DLGAP2: variants seen among roughly 807,000 people sequenced by gnomAD.
DLGAP2 encodes disks large-associated protein 2.
DLGAP2 carries 26 observed loss-of-function variants against 100.3 expected under a neutral mutation model. That is an observed-to-expected ratio of 0.26 (90% CI 0.19 to 0.36). The LOEUF (loss-of-function observed/expected upper bound fraction) is 0.36, where lower values mean the gene tolerates loss of function less well. DLGAP2 is among the 10% of genes least tolerant of loss of function. DLGAP2 has a pLI of 1.00. For missense variants in DLGAP2, 1,858 were observed against 1,453.2 expected (o/e 1.28, Z -4.53); for synonymous variants, 886 against 630.1 (o/e 1.41, Z -6.08).
chr8:1,689,185 C>G (rs937763596), intron 12 of DLGAP2, among the ~76,000 whole-genome samples: 2 of 152,206 alleles, frequency 1.3e-5, no homozygotes, highest in Non-Finnish European at 2.9e-5. Context: ...GTCTAGGCTT[C>G]CACAGTCAGG....
At chr8:801,328 T>A (rs997265195) in intron 1 of DLGAP2, among the ~76,000 whole-genome samples, 2 of 152,202 alleles carry the variant, frequency 1.3e-5, no homozygotes, top group Admixed American at 1.3e-4. Flanking sequence ...CAGTGGACCT[T>A]AGGGCCTTGG....
At chr8:1,361,690 G>T (rs1188897157) in intron 3 of DLGAP2, among the ~76,000 whole-genome samples, 1 of 152,228 alleles carries the variant, frequency 6.6e-6, no homozygotes, top group African/African-American at 2.4e-5. Context: ...TTGATGTCAA[G>T]CACCTTCGCG....
At chr8:1,697,688 C>T (rs117312222) in intron 14 of DLGAP2, among the ~76,000 whole-genome samples, 5,282 of 152,340 alleles carry the variant, frequency 0.035, 121 homozygotes, top group Non-Finnish European at 0.054. Flanking sequence ...TGGCTTCCCA[C>T]AGGGAAAGTT....
intron 1 of DLGAP2, among the ~76,000 whole-genome samples, chr8:870,028 T>G (rs963311647): frequency 6.6e-6 from 1 of 152,202 alleles, no homozygotes; most frequent in Non-Finnish European, 1.5e-5. Context: ...AAAAATGATT[T>G]GAGACTTAAA....
chr8:1,557,550 G>A (rs1242084464), intron 5 of DLGAP2, among the ~76,000 whole-genome samples: 3 of 152,118 alleles, frequency 2.0e-5, no homozygotes, highest in Non-Finnish European at 2.9e-5. Flanking sequence ...GCAAGGAGTG[G>A]CCGTCCTGCC....
At chr8:1,304,570 A>T (rs1388175863) in intron 3 of DLGAP2, among the ~76,000 whole-genome samples, 1 of 152,242 alleles carries the variant, frequency 6.6e-6, no homozygotes. Flanking sequence ...TTAAAAGAAG[A>T]AAGTAGGATG....
rs1365185036 is a variant in DLGAP2, at chr8:1,701,175, C to A, written c.2950-13C>A. 1.9e-6 allele frequency: 3 copies of A among 1,551,588 alleles called. No homozygotes were observed. The highest frequency in any genetic ancestry group is 2.0e-5 in the Admixed American group (1 of 50,374). On this transcript the variant is annotated splice_polypyrimidine_tract_variant and intron_variant, in intron 14 of 14. Transcript: ENST00000637795. Reference sequence around the variant, plus strand: ...CCGAGCACCTGCCAACGGTGACTTGCGCTGCTTTTCAGGAAGAAAGAAAGG... The same window carrying A: ...CCGAGCACCTGCCAACGGTGACTTGAGCTGCTTTTCAGGAAGAAAGAAAGG...
At chr8:1,286,225 GC>G (rs1799918056) in intron 3 of DLGAP2, among the ~76,000 whole-genome samples, 1 of 152,130 alleles carries the variant, frequency 6.6e-6, no homozygotes, top group Non-Finnish European at 1.5e-5. Flanking sequence ...CTCTCCTGCC[GC>G]CCTTGTGAAG....
chr8:1,492,550 C>A (rs571734774), intron 3 of DLGAP2, among the ~76,000 whole-genome samples: 11 of 152,204 alleles, frequency 7.2e-5, no homozygotes, highest in Non-Finnish European at 1.5e-4. Flanking sequence ...ATGGGGACCG[C>A]GCTTCGCTCC....
intron 2 of DLGAP2, among the ~76,000 whole-genome samples, chr8:1,009,739 G>A (rs1801222107): frequency 6.6e-6 from 1 of 152,146 alleles, no homozygotes; most frequent in Admixed American, 6.5e-5. Context: ...GTGTAGAGTG[G>A]GCCACCTCTC....
At chr8:831,051 A>T (rs1162808693) in intron 1 of DLGAP2, among the ~76,000 whole-genome samples, 1 of 151,962 alleles carries the variant, frequency 6.6e-6, no homozygotes, top group Non-Finnish European at 1.5e-5. Context: ...ATGGGCCACC[A>T]TACCTGGCTA....
chr8:927,244 T>C (rs1798836116), intron 2 of DLGAP2: 1 of 985,154 alleles, frequency 1.0e-6, no homozygotes, highest in Non-Finnish European at 1.2e-6. Flanking sequence ...GGGGGATTCA[T>C]GTTGATGGAG....
At chr8:1,430,411 G>T (rs553526000) in intron 3 of DLGAP2, among the ~76,000 whole-genome samples, 1 of 152,258 alleles carries the variant, frequency 6.6e-6, no homozygotes, top group Non-Finnish European at 1.5e-5. Context: ...AAGTCATGCT[G>T]ATGTTTCTTC....
intron 2 of DLGAP2, among the ~76,000 whole-genome samples, chr8:998,214 A>G (rs1021933511): frequency 6.6e-6 from 1 of 152,256 alleles, no homozygotes; most frequent in Non-Finnish European, 1.5e-5. Context: ...ATACACATGC[A>G]TGCATGCACA....
chr8:1,089,910 G>C (rs1251357835), intron 2 of DLGAP2, among the ~76,000 whole-genome samples: 1 of 152,198 alleles, frequency 6.6e-6, no homozygotes, highest in Non-Finnish European at 1.5e-5. Context: ...TCTGAGCTGT[G>C]CAAATCCACT....
At chr8:1,564,525 C>T (rs921899680) in intron 5 of DLGAP2, among the ~76,000 whole-genome samples, 6 of 152,220 alleles carry the variant, frequency 3.9e-5, no homozygotes, top group Non-Finnish European at 8.8e-5. Flanking sequence ...TATGGGCTCT[C>T]AGCTCTGTGC....
chr8:1,372,209 C>T (rs1232142588), intron 3 of DLGAP2, among the ~76,000 whole-genome samples: 2 of 87,942 alleles, frequency 2.3e-5, no homozygotes, highest in African/African-American at 7.7e-5. Flanking sequence ...ACCGTGCTGC[C>T]AACGCTGGGA....
chr8:851,658 C>T (rs774080131), intron 1 of DLGAP2, among the ~76,000 whole-genome samples: 9 of 152,152 alleles, frequency 5.9e-5, no homozygotes, highest in African/African-American at 1.9e-4. Context: ...ATCCAGCTGC[C>T]GAATTGCTCA....
At chr8:1,431,282 A>G (rs73172529) in intron 3 of DLGAP2, among the ~76,000 whole-genome samples, 32,377 of 152,198 alleles carry the variant, frequency 0.21, 3,861 homozygotes, top group Middle Eastern at 0.29. Context: ...AATGTTTTGT[A>G]ATGTTTTTAA....
Sources: gnomAD v4.1 joint callset for allele counts (sites outside exome capture counted in the v4.1 genomes callset) on GRCh38, gnomAD v4.1.1 for gene constraint, MANE v1.5 for transcripts, NCBI Gene and HGNC (gene_info 2026-07-23, HGNC 2026-07-21) for gene names.